The following RSPH14 variants were observed in gnomAD, a reference collection of about 807,000 sequenced individuals.
RSPH14 encodes radial spoke head 14 homolog.
Under a neutral mutation model 26.7 loss-of-function variants are expected in RSPH14, and 20 were observed. The observed-to-expected ratio is 0.75, with a 90% CI of 0.53 to 1.09. RSPH14 has a LOEUF of 1.09. Among genes scored for constraint, RSPH14 ranks in the 50% least tolerant of loss-of-function variants. The probability of loss-of-function intolerance (pLI) is 0.00; values close to 1 mark genes in which losing one functional copy is unlikely to be tolerated. For synonymous variants in RSPH14, 177 were observed against 189.3 expected (o/e 0.93, Z 0.53); for missense variants, 449 against 457.2 (o/e 0.98, Z 0.16).
the RSPH14 span, among the ~76,000 whole-genome samples, chr22:23,151,432 A>ACCTGGCAAGGTGACCTGCAGC: frequency 6.6e-6 from 1 of 152,182 alleles, no homozygotes; most frequent in Non-Finnish European, 1.5e-5. Flanking sequence ...GCTCTCACGG[A>ACCTGGCAAGGTGACCTGCAGC]CCTGGCAAGG....
intron 4 of RSPH14, among the ~76,000 whole-genome samples, chr22:23,113,241 G>A (rs1460712534): frequency 2.6e-5 from 4 of 152,174 alleles, no homozygotes; most frequent in Non-Finnish European, 5.9e-5. Flanking sequence ...GCGCCACCTG[G>A]CCCTGTGCCC....
intron 4 of RSPH14, among the ~76,000 whole-genome samples, chr22:23,125,917 G>A (rs914299414): frequency 5.3e-5 from 8 of 152,160 alleles, no homozygotes; most frequent in Non-Finnish European, 5.9e-5. Flanking sequence ...GCACACACAC[G>A]CATGCATGCA....
chr22:23,152,054 T>A, the RSPH14 span, among the ~76,000 whole-genome samples: 1 of 152,066 alleles, frequency 6.6e-6, no homozygotes, highest in Non-Finnish European at 1.5e-5. Flanking sequence ...TTTGCCGGGG[T>A]CTCCCTGCAC....
intron 4 of RSPH14, among the ~76,000 whole-genome samples, chr22:23,066,729 G>A (rs1023087651): frequency 3.3e-5 from 5 of 152,110 alleles, no homozygotes; most frequent in Non-Finnish European, 7.4e-5. Context: ...CCACCCAACT[G>A]GGCGGCAGCC....
intron 1 of RSPH14, 35 bp downstream of exon 1, chr22:23,141,914 G>C: frequency 1.1e-6 from 1 of 937,060 alleles, no homozygotes; most frequent in Non-Finnish European, 1.3e-6. Context: ...GGGCCCCCCT[G>C]TCCCCGGGCC....
intron 3 of RSPH14, 124 bp downstream of exon 3, chr22:23,138,716 A>T: frequency 1.3e-6 from 1 of 765,620 alleles, no homozygotes; most frequent in Non-Finnish European, 2.1e-6. Context: ...GGCTAAATAG[A>T]AGCCCCTGCA....
intron 4 of RSPH14, among the ~76,000 whole-genome samples, chr22:23,066,928 G>A (rs2068225643): frequency 6.6e-6 from 1 of 152,184 alleles, no homozygotes; most frequent in East Asian, 1.9e-4. Flanking sequence ...CTGGGGACAG[G>A]TCACTACAGA....
intron 4 of RSPH14, among the ~76,000 whole-genome samples, chr22:23,069,607 G>T (rs1168959681): frequency 1.3e-5 from 2 of 152,148 alleles, no homozygotes; most frequent in African/African-American, 2.4e-5. Context: ...TCTGGGCTGG[G>T]GGCCAGCTCC....
the RSPH14 span, among the ~76,000 whole-genome samples, chr22:23,171,854 A>AAAAAAAAAAAAAAAAAAAG: frequency 1.5e-5 from 1 of 65,032 alleles, no homozygotes; most frequent in Admixed American, 1.8e-4. Flanking sequence ...AAAAAAAAAA[A>AAAAAAAAAAAAAAAAAAAG]CAAAAAAAAA....
intron 4 of RSPH14, among the ~76,000 whole-genome samples, chr22:23,068,476 C>T (rs2068262189): frequency 6.6e-6 from 1 of 152,254 alleles, no homozygotes; most frequent in Non-Finnish European, 1.5e-5. Flanking sequence ...AGGAGGCTAT[C>T]TGTAAGTGAC....
At chr22:23,082,297 A>C (rs990905580) in intron 4 of RSPH14, among the ~76,000 whole-genome samples, 1 of 150,102 alleles carries the variant, frequency 6.7e-6, no homozygotes. Context: ...GCTCACTGCA[A>C]CCTCCGCCTC....
At chr22:23,061,731 G>A in intron 6 of RSPH14, 78 bp downstream of exon 6, 2 of 1,527,390 alleles carry the variant, frequency 1.3e-6, no homozygotes, top group Non-Finnish European at 1.8e-6. Context: ...ACGATACCCA[G>A]CCCCTGAGTA....
chr22:23,138,214 A>G (rs369868828), intron 3 of RSPH14, among the ~76,000 whole-genome samples: 1 of 152,190 alleles, frequency 6.6e-6, no homozygotes, highest in East Asian at 1.9e-4. Context: ...TAAAAAGCTA[A>G]GAAGTGGCAA....
At chr22:23,145,466 G>GCGTGGCTCT (rs780076854), upstream of RSPH14, 6 of 1,609,880 alleles carry the variant, frequency 3.7e-6, no homozygotes, top group Non-Finnish European at 4.2e-6. Flanking sequence ...CGCAGGTCCC[G>GCGTGGCTCT]CGTGGCTCTC....
intron 4 of RSPH14, among the ~76,000 whole-genome samples, chr22:23,082,324 G>A (rs1481829139): frequency 6.6e-6 from 1 of 150,442 alleles, no homozygotes; most frequent in Non-Finnish European, 1.5e-5. Flanking sequence ...TCAAGCTCCT[G>A]TCTCAGCCTC....
chr22:23,079,814 C>G (rs1276441492), intron 4 of RSPH14, among the ~76,000 whole-genome samples: 1 of 152,086 alleles, frequency 6.6e-6, no homozygotes, highest in Admixed American at 6.5e-5. Flanking sequence ...ACCTGTGGTG[C>G]CAGCCTCAGT....
chr22:23,130,095 G>GAA (rs1181456631), intron 4 of RSPH14, among the ~76,000 whole-genome samples: 3 of 45,888 alleles, frequency 6.5e-5, no homozygotes, highest in African/African-American at 2.2e-4. Context: ...AAGAAAGAAA[G>GAA]AAAGAAAGAA....
chr22:23,118,475 C>G (rs868830992), intron 4 of RSPH14, among the ~76,000 whole-genome samples: 32 of 149,766 alleles, frequency 2.1e-4, no homozygotes, highest in Middle Eastern at 3.5e-3. Context: ...CTTCCCCGCC[C>G]CGCCCCACCC....
upstream of RSPH14, among the ~76,000 whole-genome samples, chr22:23,143,939 A>T (rs897421796): frequency 6.6e-6 from 1 of 152,050 alleles, no homozygotes. Flanking sequence ...AAAAAAATTT[A>T]AAAATTAGCC....
Sources: gnomAD v4.1 joint callset for allele counts (sites outside exome capture counted in the v4.1 genomes callset) on GRCh38, gnomAD v4.1.1 for gene constraint, MANE v1.5 for transcripts, NCBI Gene and HGNC (gene_info 2026-07-23, HGNC 2026-07-21) for gene names.